The following FER1L5 variants were observed in gnomAD, a reference collection of about 807,000 sequenced individuals.
FER1L5 encodes fer-1 like family member 5.
A neutral mutation model predicts 279.9 loss-of-function variants in FER1L5; 187 were observed. The ratio of observed to expected loss-of-function variants is 0.67; its 90% CI spans 0.59 to 0.75. The LOEUF (loss-of-function observed/expected upper bound fraction) is 0.75. Among genes scored for constraint, FER1L5 ranks in the 30% least tolerant of loss-of-function variants. The pLI is 0.00. For missense variants in FER1L5, 2,091 were observed against 2,594.4 expected (o/e 0.81, Z 4.21); for synonymous variants, 921 against 989.7 (o/e 0.93, Z 1.30).
chr2:96,659,461 C>CTTTCTTTCTTTCT (rs2075839233), intron 9 of FER1L5, among the ~76,000 whole-genome samples: 3 of 25,896 alleles, frequency 1.2e-4, no homozygotes, highest in Admixed American at 1.2e-3. Context: ...TTCTTTCTTT[C>CTTTCTTTCTTTCT]TTTCTTTCTT....
chr2:96,701,461 CCTT>C (rs1438723545), intron 45 of FER1L5, among the ~76,000 whole-genome samples: 7 of 152,196 alleles, frequency 4.6e-5, no homozygotes, highest in African/African-American at 1.7e-4. Flanking sequence ...CTTTTCTCCT[CCTT>C]CTCATCCCTT....
At chr2:96,643,378 G>C (rs1446244035) in intron 1 of FER1L5, among the ~76,000 whole-genome samples, 3 of 151,942 alleles carry the variant, frequency 2.0e-5, no homozygotes, top group Non-Finnish European at 4.4e-5. Flanking sequence ...GAGACAGACT[G>C]TCACTCTGTC....
chr2:96,695,808 G>A lies in FER1L5; in HGVS notation c.3961G>A (p.Gly1321Ser), dbSNP rs1211370263. The change falls in exon 36 of 53, where the codon GGC becomes AGC. Residue 1321 changes from glycine (G) to serine (S), a missense_variant. Transcript: ENST00000624922. Reference protein sequence around the residue: ...VVKVVDNWAFGQQTVTGQANI... With the variant: ...VVKVVDNWAFSQQTVTGQANI... The stretch of plus-strand genomic sequence containing the variant: ...GAAGGTGGTAGACAACTGGGCCTTC[G>A]GCCAGCAGACCGTGACGGGCCAGGC... 45 of 1,612,830 alleles carry A rather than the reference G, an allele frequency of 2.8e-5. No homozygotes were observed. Among genetic ancestry groups the A allele is most frequent in the Middle Eastern group, 1.6e-4 (1 of 6,084 alleles).
chr2:96,665,305 C>T (rs943178197), intron 14 of FER1L5, among the ~76,000 whole-genome samples: 1 of 152,202 alleles, frequency 6.6e-6, no homozygotes, highest in Admixed American at 6.5e-5. Context: ...ATGCGCTCCC[C>T]TTCTCCCTCC....
chr2:96,674,623 A>G (rs2076446243), intron 19 of FER1L5, among the ~76,000 whole-genome samples: 1 of 152,124 alleles, frequency 6.6e-6, no homozygotes, highest in Non-Finnish European at 1.5e-5. Context: ...TAGCATGTCT[A>G]CTTGATTTTA....
chr2:96,663,329 CCT>C, intron 13 of FER1L5, 108 bp from the exon 14 acceptor site: 2 of 1,005,712 alleles, frequency 2.0e-6, no homozygotes, highest in Non-Finnish European at 3.1e-6. Context: ...AGCCCAAGCA[CCT>C]CTGTGCTGTG....
chr2:96,700,143 A>G, intron 44 of FER1L5, 63 bp downstream of exon 44: 1 of 1,597,628 alleles, frequency 6.3e-7, no homozygotes, highest in South Asian at 1.1e-5. Flanking sequence ...GTGAGGCTCC[A>G]GAATGGAAGA....
rs140873822 is a variant in FER1L5, at chr2:96,688,516, C to T, written c.2361+569C>T. ...CTAGAACCAGAGGAGGGGAGATGTC[C>T]TTGGCTCCCCGGGGGAAGGACATGG... On this transcript the variant is annotated intron_variant, in intron 24 of 52. Coordinates refer to ENST00000624922, the MANE Select transcript of FER1L5 (RefSeq NM_001293083.2). 2.5e-3 allele frequency among the ~76,000 whole-genome samples: 384 copies of T among 152,286 alleles called. 2 individuals carry two copies. Among genetic ancestry groups the T allele is most frequent in the African/African-American group, 8.8e-3 (365 of 41,544 alleles).
chr2:96,653,562 G>C, intron 7 of FER1L5, 78 bp from the exon 8 acceptor site: 1 of 1,117,466 alleles, frequency 8.9e-7, no homozygotes, highest in Non-Finnish European at 1.3e-6. Flanking sequence ...ACATTATTCT[G>C]AGCTTTCAGG....
chr2:96,659,296 T>TG (rs2075739693), intron 9 of FER1L5, among the ~76,000 whole-genome samples: 5 of 23,952 alleles, frequency 2.1e-4, no homozygotes, highest in Non-Finnish European at 3.7e-4. Flanking sequence ...AAGCTTTCCT[T>TG]CCTTCCTTCC....
chr2:96,690,096 T>A (rs2077084177), intron 26 of FER1L5, among the ~76,000 whole-genome samples: 1 of 152,158 alleles, frequency 6.6e-6, no homozygotes, highest in African/African-American at 2.4e-5. Flanking sequence ...ATGATGGAAA[T>A]CTTCTATATC....
At chr2:96,653,511 C>A in intron 7 of FER1L5, 129 bp from the exon 8 acceptor site, 1 of 748,508 alleles carries the variant, frequency 1.3e-6, no homozygotes, top group Non-Finnish European at 2.3e-6. Flanking sequence ...TCAGCCTGTA[C>A]TTGTAAACCC....
At chr2:96,646,981 T>A in intron 2 of FER1L5, 83 bp from the exon 3 acceptor site, 1 of 1,389,158 alleles carries the variant, frequency 7.2e-7, no homozygotes, top group South Asian at 1.3e-5. Context: ...TGCCAGCCCG[T>A]TCCCCACGTC....
Position 96,669,087 on chromosome 2 carries a change from ACT to A in FER1L5, c.1315_1316del (p.Leu439AlafsTer4). 6.4e-7 allele frequency: 1 copy of A among 1,551,468 alleles called. No individual in the cohort carries two copies. Among genetic ancestry groups the A allele is most frequent in the East Asian group, 2.4e-5 (1 of 40,910 alleles). ...GCCCTGCTTTGGCCCCAGCTTCCTG[ACT>A]CTGCATGGGGGTAAAAAGGCCCCTT... ...FLPCFGPSFL[T>X]LHGGKKAPFR... On this transcript the variant is annotated frameshift_variant, in exon 17 of 53. Coordinates refer to ENST00000624922, the MANE Select transcript of FER1L5 (RefSeq NM_001293083.2). LOFTEE classifies it high-confidence loss of function.
At chr2:96,659,409 C>CT (rs2075812649) in intron 9 of FER1L5, among the ~76,000 whole-genome samples, 1 of 5,428 alleles carries the variant, frequency 1.8e-4, no homozygotes, top group Non-Finnish European at 2.9e-4. Flanking sequence ...TTCTTTCTTT[C>CT]TTTCTTTCTT....
chr2:96,698,296 A>G lies in FER1L5; in HGVS notation c.4356+140A>G. Reference sequence around the variant, plus strand: ...GAACGTTCTGGGAGTGGAGGAGCAGAGATTCGCCTCCACAGGAACTCGGGG... The same window carrying G: ...GAACGTTCTGGGAGTGGAGGAGCAGGGATTCGCCTCCACAGGAACTCGGGG... On this transcript the variant is annotated intron_variant, in intron 40 of 52. Transcript: ENST00000624922. This position sits in a 1 kb window ranked among gnomAD's most constrained non-coding sequence, Gnocchi z 5.5. 1 of 1,293,416 alleles carries G rather than the reference A, an allele frequency of 7.7e-7. No homozygotes were observed. 80.1% of individuals were successfully genotyped at this position (1,293,416 alleles called of 1,614,324 possible).
Position 96,699,604 on chromosome 2 carries a change from C to G in FER1L5, c.4665C>G (p.Leu1555=). 1 of 1,614,042 alleles carries G rather than the reference C, an allele frequency of 6.2e-7. No homozygotes were observed. Among genetic ancestry groups the G allele is most frequent in the Non-Finnish European group, 8.5e-7 (1 of 1,179,910 alleles). Residue 1555 remains leucine (L), a synonymous_variant, in exon 43 of 53, where the codon CTC becomes CTG. Transcript: ENST00000624922. ...IPLEKDLEIQ[L]YDFDLFSPDD... is the part of the protein sequence containing the mutation. ...TGGAGAAGGACCTAGAGATCCAGCT[C>G]TATGACTTCGACCTATTTTCACCTG...
rs2077149047 is a variant in FER1L5, at chr2:96,691,577, G to A, written c.3040G>A (p.Gly1014Ser). 3 of 1,544,962 alleles carry A rather than the reference G, an allele frequency of 1.9e-6. No homozygotes were observed. The highest frequency in any genetic ancestry group is 2.6e-6 in the Non-Finnish European group (3 of 1,143,978). ...CAGGCTGGCCCCCAACAAGGACAAG[G>A]GCATCGCGCCCATATTCCTCCTGGA... ...RRRLAPNKDK[G>S]IAPIFLLEGS... Residue 1014 changes from glycine (G) to serine (S), a missense_variant, in exon 29 of 53, where the codon GGC becomes AGC. Physicochemically the swap from Gly to Ser is moderately conservative, Grantham distance 56 (BLOSUM62 0). Coordinates refer to ENST00000624922, the MANE Select transcript of FER1L5 (RefSeq NM_001293083.2). This position sits in a 1 kb window ranked among gnomAD's most constrained non-coding sequence, Gnocchi z 6.0.
At chr2:96,699,860 T>G (rs527236288) in intron 43 of FER1L5, 72 bp from the exon 44 acceptor site, 1 of 1,587,772 alleles carries the variant, frequency 6.3e-7, no homozygotes, top group Non-Finnish European at 8.6e-7. Flanking sequence ...CCACCCGTGG[T>G]CAACCTGCAG....
Sources: allele counts gnomAD v4.1 joint callset (sites outside exome capture counted in the v4.1 genomes callset), GRCh38; gene constraint gnomAD v4.1.1; non-coding constraint Gnocchi (gnomAD v3.1); transcripts MANE v1.5; gene names NCBI Gene and HGNC (gene_info 2026-07-23, HGNC 2026-07-21).